The following SDK1 variants were observed in gnomAD, a reference collection of about 807,000 sequenced individuals.
SDK1 encodes sidekick cell adhesion molecule 1.
SDK1 carries 157 observed loss-of-function variants against 245.5 expected under a neutral mutation model. The ratio of observed to expected loss-of-function variants is 0.64; its 90% CI spans 0.56 to 0.73. The LOEUF is 0.73. SDK1 is among the 30% of genes least tolerant of loss of function. SDK1 has a pLI of 0.00. For missense variants in SDK1, 3,583 were observed against 3,002.3 expected (o/e 1.19, Z -4.52); for synonymous variants, 1,647 against 1,278.5 (o/e 1.29, Z -6.15).
chr7:3,515,888 T>A (rs1254121608), intron 1 of SDK1, among the ~76,000 whole-genome samples: 1 of 152,170 alleles, frequency 6.6e-6, no homozygotes, highest in Non-Finnish European at 1.5e-5. Flanking sequence ...TGAAAAATAT[T>A]CTTCACTATG....
intron 1 of SDK1, among the ~76,000 whole-genome samples, chr7:3,533,683 C>G (rs1336016658): frequency 1.3e-5 from 2 of 151,942 alleles, no homozygotes; most frequent in African/African-American, 2.4e-5. Context: ...TGTCTTTTAT[C>G]TCTTTTAAGA....
chr7:4,212,659 G>A (rs1308228898), intron 38 of SDK1, among the ~76,000 whole-genome samples: 1 of 152,204 alleles, frequency 6.6e-6, no homozygotes, highest in Non-Finnish European at 1.5e-5. Context: ...AAGCAGGCAT[G>A]CCATTTGCTC....
At chr7:4,146,018 C>A (rs985492295) in intron 29 of SDK1, 102 bp downstream of exon 29, 3 of 1,014,870 alleles carry the variant, frequency 3.0e-6, no homozygotes, top group Non-Finnish European at 4.3e-6. Context: ...CTTCGGCCTT[C>A]CCTTCGGAGA....
At chr7:3,456,226 C>G (rs1359704230) in intron 1 of SDK1, among the ~76,000 whole-genome samples, 1 of 152,210 alleles carries the variant, frequency 6.6e-6, no homozygotes, top group East Asian at 1.9e-4. Context: ...GGGCTTCACT[C>G]AGCTTCTTGA....
chr7:3,670,127 T>C (rs1028234589), intron 4 of SDK1, among the ~76,000 whole-genome samples: 1 of 152,208 alleles, frequency 6.6e-6, no homozygotes, highest in South Asian at 2.1e-4. Flanking sequence ...CTACCTTGTT[T>C]CCCTATGTTT....
chr7:3,825,004 G>A (rs1479683504), intron 5 of SDK1, among the ~76,000 whole-genome samples: 1 of 152,144 alleles, frequency 6.6e-6, no homozygotes, highest in Non-Finnish European at 1.5e-5. Context: ...AGAGCTTGCT[G>A]CCATCCCAGG....
Position 3,963,652 on chromosome 7 carries a change from T to G in SDK1, c.1429+801T>G, listed in dbSNP as rs1226995316. Among the ~76,000 whole-genome samples the G allele has an allele frequency of 1.2e-4, 6 of 50,666 alleles. No homozygotes were observed. In the South Asian group the frequency reaches 8.6e-3, roughly 72 times the overall value. 33.2% of individuals were successfully genotyped at this position (50,666 alleles called of 152,430 possible). ...GACCTGGACGTATCCAGTGAGTACA[T>G]TCAGCCCCATGGCTACCTGGATGTA... On this transcript the variant is annotated intron_variant, in intron 9 of 44. Transcript: ENST00000404826.
intron 4 of SDK1, among the ~76,000 whole-genome samples, chr7:3,653,327 T>C (rs1001800947): frequency 2.0e-5 from 3 of 152,174 alleles, no homozygotes; most frequent in African/African-American, 7.2e-5. Context: ...CGTTCTGTTT[T>C]CTTGAAAAAC....
At chr7:3,884,437 C>T (rs945864390) in intron 5 of SDK1, among the ~76,000 whole-genome samples, 9 of 152,156 alleles carry the variant, frequency 5.9e-5, no homozygotes, top group South Asian at 2.1e-4. Flanking sequence ...TATCACTGCA[C>T]GCCAGGCCTC....
intron 31 of SDK1, among the ~76,000 whole-genome samples, chr7:4,159,183 C>T (rs965574516): frequency 3.3e-5 from 5 of 152,212 alleles, no homozygotes; most frequent in South Asian, 2.1e-4. Flanking sequence ...TCATCATTCC[C>T]GCAACCTATC....
At chr7:3,754,144 TG>T (rs1422042421) in intron 4 of SDK1, among the ~76,000 whole-genome samples, 1 of 152,200 alleles carries the variant, frequency 6.6e-6, no homozygotes, top group East Asian at 1.9e-4. Context: ...AGTTGGCTCT[TG>T]GAGAGGTTTT....
chr7:3,984,361 G>T (rs144648107), intron 13 of SDK1, among the ~76,000 whole-genome samples: 6 of 152,186 alleles, frequency 3.9e-5, no homozygotes, highest in Admixed American at 6.5e-5. Flanking sequence ...GGTTGTTTCT[G>T]TGTGCACTCT....
intron 4 of SDK1, among the ~76,000 whole-genome samples, chr7:3,772,585 A>T (rs1444475364): frequency 6.6e-6 from 1 of 152,230 alleles, no homozygotes. Flanking sequence ...ATCTTAAATC[A>T]TATAGAAAAA....
intron 22 of SDK1, among the ~76,000 whole-genome samples, chr7:4,105,172 G>A (rs1389614672): frequency 7.2e-5 from 11 of 151,978 alleles, no homozygotes; most frequent in Admixed American, 5.9e-4. Context: ...TAGCAGAGAC[G>A]GGGTTTCACC....
intron 17 of SDK1, among the ~76,000 whole-genome samples, chr7:4,045,750 T>C (rs1032415986): frequency 6.6e-6 from 1 of 152,110 alleles, no homozygotes; most frequent in African/African-American, 2.4e-5. Context: ...TTGTTATTGC[T>C]GTTGGTTTGT....
chr7:4,047,398 T>A (rs1789098639), intron 17 of SDK1, among the ~76,000 whole-genome samples: 1 of 135,370 alleles, frequency 7.4e-6, no homozygotes, highest in Non-Finnish European at 1.5e-5. Flanking sequence ...TATTTTCTAA[T>A]ATTTTGTTGA....
chr7:3,919,631 G>A (rs895481190), intron 5 of SDK1, among the ~76,000 whole-genome samples: 4 of 152,154 alleles, frequency 2.6e-5, no homozygotes, highest in African/African-American at 9.7e-5. Context: ...TATTTCAATG[G>A]AGCACCGGCT....
At chr7:3,747,271 T>C (rs866954600) in intron 4 of SDK1, among the ~76,000 whole-genome samples, 1 of 152,190 alleles carries the variant, frequency 6.6e-6, no homozygotes, top group South Asian at 2.1e-4. Context: ...ATAACCAACA[T>C]TTAGTTTCTA....
At chr7:3,986,754 G>C (rs1265998223) in intron 13 of SDK1, among the ~76,000 whole-genome samples, 2 of 152,158 alleles carry the variant, frequency 1.3e-5, no homozygotes, top group African/African-American at 4.8e-5. Context: ...CCACCTACTA[G>C]GGAGACTGAG....
Sources: gnomAD v4.1 joint callset for allele counts (sites outside exome capture counted in the v4.1 genomes callset) on GRCh38, gnomAD v4.1.1 for gene constraint, MANE v1.5 for transcripts, NCBI Gene and HGNC (gene_info 2026-07-23, HGNC 2026-07-21) for gene names.